The following SSBP2 variants were observed in gnomAD, a reference collection of about 807,000 sequenced individuals.
The protein encoded by SSBP2 is single-stranded DNA-binding protein 2.
SSBP2 carries 17 observed loss-of-function variants against 61.8 expected under a neutral mutation model. That is an observed-to-expected ratio of 0.28 (90% confidence interval 0.19 to 0.41). The LOEUF is 0.41. SSBP2 is among the 10% of genes least tolerant of loss of function. The probability of loss-of-function intolerance (pLI) is 1.00; values close to 1 mark genes in which losing one functional copy is unlikely to be tolerated. For synonymous variants in SSBP2, 139 were observed against 141.3 expected (o/e 0.98, Z 0.12); for missense variants, 310 against 458.7 (o/e 0.68, Z 2.96).
At chr5:81,537,216 T>G (rs1770876630) in intron 4 of SSBP2, among the ~76,000 whole-genome samples, 1 of 152,130 alleles carries the variant, frequency 6.6e-6, no homozygotes, top group African/African-American at 2.4e-5. Context: ...GGGATTTCTG[T>G]GATGAACATC....
chr5:81,672,915 C>A (rs1751692511), intron 1 of SSBP2, among the ~76,000 whole-genome samples: 1 of 150,790 alleles, frequency 6.6e-6, no homozygotes. Context: ...ATCCCTCAGG[C>A]AACCTCTGCC....
intron 1 of SSBP2, among the ~76,000 whole-genome samples, chr5:81,689,280 A>G (rs1244233369): frequency 6.6e-6 from 1 of 152,178 alleles, no homozygotes; most frequent in Non-Finnish European, 1.5e-5. Flanking sequence ...GAGGTGGTAG[A>G]AAAAGAGATA....
At chr5:81,485,969 T>C (rs1766350092) in intron 6 of SSBP2, among the ~76,000 whole-genome samples, 1 of 152,200 alleles carries the variant, frequency 6.6e-6, no homozygotes, top group Non-Finnish European at 1.5e-5. Flanking sequence ...ATATTATTTA[T>C]ATTATTAACA....
At chr5:81,594,390 ATGGG>A (rs1294064710) in intron 4 of SSBP2, among the ~76,000 whole-genome samples, 3 of 152,152 alleles carry the variant, frequency 2.0e-5, no homozygotes, top group Non-Finnish European at 4.4e-5. Flanking sequence ...CACAATAATA[ATGGG>A]AGACTTTAAC....
chr5:81,556,662 G>A (rs976099657), intron 4 of SSBP2, among the ~76,000 whole-genome samples: 9 of 151,870 alleles, frequency 5.9e-5, no homozygotes, highest in Non-Finnish European at 1.2e-4. Flanking sequence ...AATCCTTATC[G>A]TTAAATCCAA....
At chr5:81,430,503 C>G (rs911873093) in intron 15 of SSBP2, among the ~76,000 whole-genome samples, 1 of 152,178 alleles carries the variant, frequency 6.6e-6, no homozygotes, top group Non-Finnish European at 1.5e-5. Flanking sequence ...TAAATCTTTG[C>G]TGCACATTTG....
intron 2 of SSBP2, among the ~76,000 whole-genome samples, 179 bp downstream of exon 2, chr5:81,650,088 A>T (rs1749597853): frequency 6.6e-6 from 1 of 152,142 alleles, no homozygotes; most frequent in Non-Finnish European, 1.5e-5. Context: ...TGAGTGGCAC[A>T]GAAGTGGCAT....
chr5:81,669,396 T>C (rs1751410096), intron 1 of SSBP2, among the ~76,000 whole-genome samples: 1 of 152,186 alleles, frequency 6.6e-6, no homozygotes, highest in Non-Finnish European at 1.5e-5. Flanking sequence ...ACTTTATTCA[T>C]AATTGGCAGC....
At chr5:81,715,340 A>G (rs993002384) in intron 1 of SSBP2, among the ~76,000 whole-genome samples, 1 of 152,210 alleles carries the variant, frequency 6.6e-6, no homozygotes, top group Admixed American at 6.5e-5. Flanking sequence ...CCAGCACAAG[A>G]AAGAAATTCT....
intron 1 of SSBP2, among the ~76,000 whole-genome samples, chr5:81,681,022 C>T (rs930673936): frequency 6.6e-6 from 1 of 152,050 alleles, no homozygotes; most frequent in Admixed American, 6.6e-5. Context: ...CATTTGGGGC[C>T]ATAAAACACA....
intron 3 of SSBP2, among the ~76,000 whole-genome samples, chr5:81,628,020 G>T (rs540675504): frequency 8.1e-4 from 123 of 151,766 alleles, no homozygotes; most frequent in African/African-American, 2.8e-3. Flanking sequence ...AGCTATGATT[G>T]TGCCACTGCA....
At chr5:81,449,775 T>G (rs1333168899) in intron 10 of SSBP2, among the ~76,000 whole-genome samples, 1 of 152,180 alleles carries the variant, frequency 6.6e-6, no homozygotes, top group African/African-American at 2.4e-5. Context: ...GAAAAGCTTT[T>G]CTCCTTATTT....
intron 4 of SSBP2, among the ~76,000 whole-genome samples, chr5:81,603,850 T>C (rs1388199421): frequency 6.6e-6 from 1 of 152,154 alleles, no homozygotes; most frequent in Non-Finnish European, 1.5e-5. Flanking sequence ...TTTTGAAAAA[T>C]ACAATGAGCA....
intron 2 of SSBP2, among the ~76,000 whole-genome samples, chr5:81,644,808 TCA>T (rs1165932506): frequency 6.6e-6 from 1 of 152,060 alleles, no homozygotes; most frequent in Non-Finnish European, 1.5e-5. Context: ...CAATAAAGGC[TCA>T]CAGATACTGG....
intron 1 of SSBP2, among the ~76,000 whole-genome samples, chr5:81,660,500 G>C (rs1471811411): frequency 6.6e-6 from 1 of 152,116 alleles, no homozygotes; most frequent in Non-Finnish European, 1.5e-5. Flanking sequence ...TAAAACATCA[G>C]GAAACAACAG....
chr5:81,612,072 TG>T (rs1745507534), intron 4 of SSBP2, among the ~76,000 whole-genome samples: 1 of 152,122 alleles, frequency 6.6e-6, no homozygotes, highest in Non-Finnish European at 1.5e-5. Context: ...TTTATGGCAT[TG>T]GTTGTGATGA....
chr5:81,658,631 G>A (rs1292189945), intron 1 of SSBP2, among the ~76,000 whole-genome samples: 1 of 151,882 alleles, frequency 6.6e-6, no homozygotes, highest in Non-Finnish European at 1.5e-5. Flanking sequence ...GATACTAACG[G>A]CTGACTGTAT....
intron 6 of SSBP2, among the ~76,000 whole-genome samples, chr5:81,477,902 T>C (rs756541212): frequency 3.3e-5 from 5 of 151,818 alleles, no homozygotes; most frequent in African/African-American, 4.8e-5. Context: ...GTTCAAAGAA[T>C]GAGAAGTAAG....
intron 1 of SSBP2, among the ~76,000 whole-genome samples, chr5:81,657,918 A>C (rs1750361500): frequency 6.6e-6 from 1 of 152,212 alleles, no homozygotes; most frequent in African/African-American, 2.4e-5. Context: ...TTGATAAATA[A>C]AAATTGTATA....
Sources: allele counts gnomAD v4.1 joint callset (sites outside exome capture counted in the v4.1 genomes callset), GRCh38; gene constraint gnomAD v4.1.1; transcripts MANE v1.5; gene names NCBI Gene and HGNC (gene_info 2026-07-23, HGNC 2026-07-21).